The following SDK1 variants were observed in gnomAD, a reference collection of about 807,000 sequenced individuals.
SDK1 encodes the protein protein sidekick-1.
SDK1 carries 157 observed loss-of-function variants against 245.5 expected under a neutral mutation model. The ratio of observed to expected loss-of-function variants is 0.64; its 90% CI spans 0.56 to 0.73. The LOEUF is 0.73. Ranked by LOEUF, SDK1 falls within the 30% of genes least tolerant of loss-of-function variation. The pLI is 0.00. For synonymous variants in SDK1, 1,647 were observed against 1,278.5 expected (o/e 1.29, Z -6.15); for missense variants, 3,583 against 3,002.3 (o/e 1.19, Z -4.52).
At chr7:3,446,174 T>C (rs1780336185) in intron 1 of SDK1, among the ~76,000 whole-genome samples, 3 of 152,172 alleles carry the variant, frequency 2.0e-5, no homozygotes. Flanking sequence ...GACATGCTAA[T>C]AATCATAAGA....
chr7:3,608,532 T>C (rs1781492641), intron 1 of SDK1, among the ~76,000 whole-genome samples: 1 of 152,226 alleles, frequency 6.6e-6, no homozygotes, highest in African/African-American at 2.4e-5. Flanking sequence ...AATTAGCATT[T>C]TGGAAACCTT....
chr7:3,987,347 C>A (rs747449453), intron 14 of SDK1, 25 bp downstream of exon 14: 51 of 1,610,818 alleles, frequency 3.2e-5, no homozygotes, highest in Non-Finnish European at 4.3e-5. Context: ...GAAACTGTCA[C>A]CATGGACGAT....
intron 1 of SDK1, among the ~76,000 whole-genome samples, chr7:3,587,014 G>C (rs1237674348): frequency 6.6e-6 from 1 of 152,094 alleles, no homozygotes; most frequent in Non-Finnish European, 1.5e-5. Context: ...TGGAGGAGGA[G>C]GAGGAAGGAC....
chr7:3,385,964 C>A (rs897779230), intron 1 of SDK1, among the ~76,000 whole-genome samples: 1 of 152,026 alleles, frequency 6.6e-6, no homozygotes, highest in African/African-American at 2.4e-5. Flanking sequence ...CTCTCCCTTT[C>A]CTCTGCATGG....
chr7:3,685,542 G>C (rs1784255376), intron 4 of SDK1, among the ~76,000 whole-genome samples: 2 of 152,094 alleles, frequency 1.3e-5, no homozygotes, highest in Non-Finnish European at 2.9e-5. Flanking sequence ...GAAAAATAGG[G>C]GCAAATATAA....
intron 1 of SDK1, among the ~76,000 whole-genome samples, chr7:3,467,900 T>C (rs557131136): frequency 1.3e-5 from 2 of 152,292 alleles, no homozygotes; most frequent in African/African-American, 4.8e-5. Context: ...ACAAGTTTAT[T>C]AGAGATCTTT....
chr7:3,684,050 G>T (rs764607286), intron 4 of SDK1, among the ~76,000 whole-genome samples: 1 of 152,158 alleles, frequency 6.6e-6, no homozygotes, highest in Non-Finnish European at 1.5e-5. Flanking sequence ...CAAGCGTTCA[G>T]GTGCTCAAGT....
chr7:3,946,306 T>C (rs556919862), intron 5 of SDK1, among the ~76,000 whole-genome samples: 10 of 152,162 alleles, frequency 6.6e-5, no homozygotes, highest in African/African-American at 2.4e-4. Flanking sequence ...GCCTCCCAAG[T>C]AGATGGGACC....
At chr7:3,559,680 AAT>A (rs1324225581) in intron 1 of SDK1, among the ~76,000 whole-genome samples, 2 of 152,024 alleles carry the variant, frequency 1.3e-5, no homozygotes, top group African/African-American at 2.4e-5. Context: ...GTGATTTCTA[AAT>A]AGTTTTTAAA....
At chr7:3,668,650 G>A (rs1355269989) in intron 4 of SDK1, among the ~76,000 whole-genome samples, 1 of 152,172 alleles carries the variant, frequency 6.6e-6, no homozygotes, top group East Asian at 1.9e-4. Flanking sequence ...AATTAGCCGA[G>A]TGTGGTGGTG....
Position 3,938,645 on chromosome 7 carries a change from C to CAAA in SDK1, c.848-12265_848-12263dup, listed in dbSNP as rs559065786. 5.2e-3 allele frequency among the ~76,000 whole-genome samples: 469 copies of CAAA among 90,586 alleles called. 30 individuals are homozygous for CAAA. Among genetic ancestry groups the CAAA allele is most frequent in the African/African-American group, 0.023 (428 of 18,630 alleles). 59.4% of individuals were successfully genotyped at this position (90,586 alleles called of 152,430 possible). ...TGGGCGACAGAGTGAGACTCCGTCT[C>CAAA]AAAAAAAAAAAAAAAGAGATCCTCA... is the stretch of plus-strand genomic sequence containing the variant. On this transcript the variant is annotated intron_variant, in intron 5 of 44. Transcript: ENST00000404826.
intron 1 of SDK1, among the ~76,000 whole-genome samples, chr7:3,380,154 C>A (rs534812817): frequency 4.9e-4 from 74 of 152,174 alleles, no homozygotes; most frequent in African/African-American, 1.7e-3. Flanking sequence ...AAAAAAAGTT[C>A]CTAAAATGAT....
intron 4 of SDK1, among the ~76,000 whole-genome samples, chr7:3,665,525 A>C (rs1783497511): frequency 6.6e-6 from 1 of 152,186 alleles, no homozygotes; most frequent in East Asian, 1.9e-4. Context: ...ATTGATGTTC[A>C]AGAAGTATTT....
chr7:3,611,610 A>G (rs959955713), intron 1 of SDK1, among the ~76,000 whole-genome samples: 4 of 152,118 alleles, frequency 2.6e-5, no homozygotes, highest in Admixed American at 6.6e-5. Flanking sequence ...TCAGTTCTTT[A>G]GGGAATCTTC....
chr7:3,527,129 C>G (rs757435763), intron 1 of SDK1, among the ~76,000 whole-genome samples: 1 of 152,138 alleles, frequency 6.6e-6, no homozygotes, highest in Non-Finnish European at 1.5e-5. Context: ...TTATATTTCT[C>G]TTTTATAAAA....
chr7:3,481,144 T>C (rs1781509805), intron 1 of SDK1, among the ~76,000 whole-genome samples: 1 of 147,776 alleles, frequency 6.8e-6, no homozygotes, highest in Non-Finnish European at 1.5e-5. Context: ...TTTTTAAAAC[T>C]ATTTTACTTA....
intron 5 of SDK1, among the ~76,000 whole-genome samples, chr7:3,902,210 G>A (rs1413130330): frequency 6.6e-6 from 1 of 152,182 alleles, no homozygotes; most frequent in Non-Finnish European, 1.5e-5. Flanking sequence ...GCATGTGTGT[G>A]TGTGTATTTT....
chr7:3,775,239 T>G (rs758655635), intron 4 of SDK1, among the ~76,000 whole-genome samples: 1 of 152,164 alleles, frequency 6.6e-6, no homozygotes, highest in Admixed American at 6.6e-5. Context: ...CTAATAGTCT[T>G]TCTTCACTAT....
At chr7:3,875,653 G>A (rs578108958) in intron 5 of SDK1, among the ~76,000 whole-genome samples, 3 of 152,210 alleles carry the variant, frequency 2.0e-5, no homozygotes, top group South Asian at 2.1e-4. Flanking sequence ...GTAGAGACTC[G>A]GGTAGGAAAG....
Sources: allele counts gnomAD v4.1 joint callset (sites outside exome capture counted in the v4.1 genomes callset), GRCh38; gene constraint gnomAD v4.1.1; transcripts MANE v1.5; gene names NCBI Gene and HGNC (gene_info 2026-07-23, HGNC 2026-07-21).